The following MGST1 variants were observed in gnomAD, a reference collection of about 807,000 sequenced individuals.
MGST1 encodes the protein glutathione S-transferase 12.
A neutral mutation model predicts 8.9 loss-of-function variants in MGST1; 5 were observed. The observed-to-expected ratio is 0.56, with a 90% CI of 0.29 to 1.19. The LOEUF is 1.19. Among genes scored for constraint, MGST1 ranks in the 50% most tolerant of loss-of-function variants. The pLI is 0.08. For synonymous variants in MGST1, 54 were observed against 67.8 expected (o/e 0.80, Z 1.00); for missense variants, 182 against 187.4 (o/e 0.97, Z 0.17).
intron 4 of MGST1, among the ~76,000 whole-genome samples, chr12:16,532,031 G>T (rs900259503): frequency 6.6e-6 from 1 of 152,088 alleles, no homozygotes; most frequent in Non-Finnish European, 1.5e-5. Context: ...GGTGCCTCAA[G>T]CTTCCCAAAT....
exon 4 of MGST1, chr12:16,376,245 A>C: frequency 1.6e-6 from 1 of 639,498 alleles, no homozygotes; most frequent in Non-Finnish European, 2.7e-6. Context: ...TTGAAGAAAA[A>C]ATTTATCTTT....
At chr12:16,451,153 T>G (rs1360740022) in intron 4 of MGST1, among the ~76,000 whole-genome samples, 1 of 151,946 alleles carries the variant, frequency 6.6e-6, no homozygotes, top group Non-Finnish European at 1.5e-5. Flanking sequence ...AATTGGACTT[T>G]GAAACAATTT....
chr12:16,557,690 T>C (rs1414028970), intron 4 of MGST1, among the ~76,000 whole-genome samples: 1 of 152,080 alleles, frequency 6.6e-6, no homozygotes, highest in Non-Finnish European at 1.5e-5. Context: ...AATAACTAAC[T>C]TTTGAGAACC....
At chr12:16,436,451 A>C (rs1353261306) in intron 1 of MGST1, among the ~76,000 whole-genome samples, 1 of 151,916 alleles carries the variant, frequency 6.6e-6, no homozygotes, top group Non-Finnish European at 1.5e-5. Flanking sequence ...TGAGGGAAGG[A>C]AATACATTGC....
intron 1 of MGST1, among the ~76,000 whole-genome samples, chr12:16,431,715 A>G (rs1255650927): frequency 6.6e-6 from 1 of 152,158 alleles, no homozygotes; most frequent in Non-Finnish European, 1.5e-5. Context: ...TATTGTGAGA[A>G]TTATAAAAGT....
downstream of MGST1, among the ~76,000 whole-genome samples, chr12:16,366,628 TACACACACAC>T (rs374809283): frequency 7.1e-5 from 6 of 83,926 alleles, no homozygotes; most frequent in South Asian, 3.5e-4. This position sits in a 1 kb window ranked among gnomAD's most constrained non-coding sequence, Gnocchi z 4.0. Flanking sequence ...TATCTGTGTG[TACACACACAC>T]ACACACACAC....
intron 3 of MGST1, among the ~76,000 whole-genome samples, chr12:16,371,959 A>T (rs921058259): frequency 6.6e-6 from 1 of 152,104 alleles, no homozygotes; most frequent in African/African-American, 2.4e-5. Flanking sequence ...AATAAATGCT[A>T]CTGGGAAAAT....
chr12:16,442,919 A>G (rs73318750), downstream of MGST1, among the ~76,000 whole-genome samples: 2,039 of 151,824 alleles, frequency 0.013, 57 homozygotes, highest in African/African-American at 0.047. The surrounding 1 kb of genome is among the most constrained non-coding windows in gnomAD (Gnocchi z 4.5). Flanking sequence ...TTATATACTT[A>G]CTGATTTTTT....
intron 3 of MGST1, among the ~76,000 whole-genome samples, chr12:16,358,512 GC>G (rs1412236653): frequency 6.6e-6 from 1 of 151,684 alleles, no homozygotes; most frequent in Non-Finnish European, 1.5e-5. Context: ...TGTCACCTAG[GC>G]TGGAGTGCAA....
chr12:16,391,054 G>A (rs1940547813), intron 1 of MGST1, among the ~76,000 whole-genome samples: 1 of 151,808 alleles, frequency 6.6e-6, no homozygotes, highest in South Asian at 2.1e-4. Context: ...TTTCTCTAAT[G>A]ATCAGTGATA....
chr12:16,347,576 C>A (rs1939255597), upstream of MGST1: 1 of 152,198 alleles, frequency 6.6e-6, no homozygotes, highest in Admixed American at 6.5e-5. The surrounding 1 kb of genome is among the most constrained non-coding windows in gnomAD (Gnocchi z 4.0). Flanking sequence ...GGGCTTTAAA[C>A]GTGGGAGGGC....
chr12:16,385,804 A>G lies in MGST1; in HGVS notation n.778+2200A>G, dbSNP rs1214728141. On this transcript the variant is annotated intron_variant and non_coding_transcript_variant, in intron 1 of 1. Coordinates refer to the MGST1 transcript ENST00000359720. The stretch of plus-strand genomic sequence containing the variant: ...AAGAGTTCTGCAAATGCTAATTGAT[A>G]GATCAGCAAGTTTGGAGGGCTGCTT... 2.6e-5 allele frequency among the ~76,000 whole-genome samples: 4 copies of G among 151,938 alleles called. No individual in the cohort carries two copies. In the East Asian group the frequency reaches 7.8e-4, roughly 30 times the overall value.
At chr12:16,524,253 T>C (rs1941667371) in intron 4 of MGST1, among the ~76,000 whole-genome samples, 1 of 152,072 alleles carries the variant, frequency 6.6e-6, no homozygotes, top group Admixed American at 6.6e-5. Context: ...AATATTCATA[T>C]CTATAAACAT....
intron 1 of MGST1, among the ~76,000 whole-genome samples, chr12:16,411,352 G>A (rs1157403841): frequency 1.3e-5 from 2 of 152,050 alleles, no homozygotes; most frequent in African/African-American, 2.4e-5. Flanking sequence ...ATTATATCTT[G>A]TACGTTATAT....
chr12:16,458,681 T>G lies in MGST1; in HGVS notation n.482+75077T>G, dbSNP rs1941196973. Among the ~76,000 whole-genome samples the G allele has an allele frequency of 6.6e-6, 1 of 152,050 alleles. No individual in the cohort carries two copies. The highest frequency in any genetic ancestry group is 1.5e-5 in the Non-Finnish European group (1 of 67,976). On this transcript the variant is annotated intron_variant and non_coding_transcript_variant, in intron 4 of 4. Coordinates refer to the MGST1 transcript ENST00000538857. The surrounding 1 kb of genome is among the most constrained non-coding windows in gnomAD (Gnocchi z 4.0). ...TATCAGTAGGTAGGCAGTTGAGTAT[T>G]TATATGAGAGTTATTGTGACTCATA...
At chr12:16,485,718 A>T (rs1941395329) in intron 4 of MGST1, among the ~76,000 whole-genome samples, 4 of 152,220 alleles carry the variant, frequency 2.6e-5, no homozygotes, top group African/African-American at 9.7e-5. Context: ...GAACCAAATG[A>T]TAAAGATAAA....
chr12:16,514,263 CA>C, intron 4 of MGST1: 1 of 278,736 alleles, frequency 3.6e-6, no homozygotes. Flanking sequence ...CCATGGTTTG[CA>C]AAGACGCAGA....
At chr12:16,466,673 A>G (rs1317101055) in intron 4 of MGST1, among the ~76,000 whole-genome samples, 1 of 152,182 alleles carries the variant, frequency 6.6e-6, no homozygotes, top group Non-Finnish European at 1.5e-5. Context: ...AACTACAGAA[A>G]CCTACAAGAA....
At position 16,503,014 on chromosome 12, in the gene MGST1, A is replaced by G. The variant is rs1941514779; in HGVS notation, n.483-86514A>G. Among the ~76,000 whole-genome samples, 1 of 152,202 alleles carries G rather than the reference A, an allele frequency of 6.6e-6. No homozygotes were observed. The highest frequency in any genetic ancestry group is 1.5e-5 in the Non-Finnish European group (1 of 68,022). Reference sequence around the variant, plus strand: ...CTCTAGGATTTTGAGGTAGAGCAGTATGACATTAGGAGTAGAATATGAATG... The same window carrying G: ...CTCTAGGATTTTGAGGTAGAGCAGTGTGACATTAGGAGTAGAATATGAATG... On this transcript the variant is annotated intron_variant and non_coding_transcript_variant, in intron 4 of 4. Coordinates refer to the MGST1 transcript ENST00000538857. This position sits in a 1 kb window ranked among gnomAD's most constrained non-coding sequence, Gnocchi z 4.8.
Sources: gnomAD v4.1 joint callset for allele counts (sites outside exome capture counted in the v4.1 genomes callset) on GRCh38, gnomAD v4.1.1 for gene constraint, Gnocchi (gnomAD v3.1) non-coding constraint, MANE v1.5 for transcripts, NCBI Gene and HGNC (gene_info 2026-07-23, HGNC 2026-07-21) for gene names.